The following SEPTIN9 variants were observed in gnomAD, a reference collection of about 807,000 sequenced individuals.
The protein encoded by SEPTIN9 is septin-9.
SEPTIN9 carries 13 observed loss-of-function variants against 56.6 expected under a neutral mutation model. The ratio of observed to expected loss-of-function variants is 0.23; its 90% CI spans 0.15 to 0.37. The LOEUF (loss-of-function observed/expected upper bound fraction) is 0.37, where lower values mean the gene tolerates loss of function less well. Among genes scored for constraint, SEPTIN9 ranks in the 10% least tolerant of loss-of-function variants. The pLI, the probability that SEPTIN9 is intolerant of heterozygous loss-of-function variation, is 1.00. For synonymous variants in SEPTIN9, 332 were observed against 334.1 expected (o/e 0.99, Z 0.07); for missense variants, 650 against 823.1 (o/e 0.79, Z 2.57).
rs1301313912 is a variant in SEPTIN9, at chr17:77,437,906, T to C, written c.721+35203T>C. On this transcript the variant is annotated intron_variant, in intron 3 of 11. Transcript: ENST00000427177. The surrounding 1 kb of genome is among the most constrained non-coding windows in gnomAD (Gnocchi z 5.3). ...GACAGTGGGGGCCCCTTGCTTGCGC[T>C]GGTGACTGTGGCTGGTTGTTGGTGC... Among the ~76,000 whole-genome samples, 1 of 152,190 alleles carries C rather than the reference T, an allele frequency of 6.6e-6. No homozygotes were observed. The highest frequency in any genetic ancestry group is 2.4e-5 in the African/African-American group (1 of 41,446).
intron 2 of SEPTIN9, among the ~76,000 whole-genome samples, chr17:77,347,126 C>T (rs2033915876): frequency 6.6e-6 from 1 of 152,128 alleles, no homozygotes; most frequent in African/African-American, 2.4e-5. Context: ...ACCTGTAATC[C>T]CAGCACTTCA....
At chr17:77,287,877 C>G in intron 1 of SEPTIN9, 1 of 1,031,354 alleles carries the variant, frequency 9.7e-7, no homozygotes, top group Non-Finnish European at 1.2e-6. Context: ...GTAAGATGAT[C>G]CCAGCTTCAA....
Position 77,373,600 on chromosome 17 carries a change from C to A in SEPTIN9, c.77-28459C>A, listed in dbSNP as rs928111222. ...CGGCCGCGGACGTGCTGGAGAGGACCCTGCGGGTGGGCCTGGCGCGGGACG... is the reference window on the plus strand; with the variant it reads ...CGGCCGCGGACGTGCTGGAGAGGACACTGCGGGTGGGCCTGGCGCGGGACG... On this transcript the variant is annotated intron_variant, in intron 2 of 11. Coordinates refer to ENST00000427177, the MANE Select transcript of SEPTIN9 (RefSeq NM_001113491.2). The A allele has an allele frequency of 1.2e-5, 18 of 1,534,920 alleles. 1 individual carries two copies. Among genetic ancestry groups the A allele is most frequent in the Admixed American group, 1.0e-4 (5 of 50,024 alleles).
intron 2 of SEPTIN9, among the ~76,000 whole-genome samples, chr17:77,361,495 A>G (rs1237624105): frequency 6.6e-6 from 1 of 152,148 alleles, no homozygotes; most frequent in Non-Finnish European, 1.5e-5. Flanking sequence ...GAGGGTGGGC[A>G]TTAGGAAAGT....
rs2038052450 is a variant in SEPTIN9, at chr17:77,453,178, G to A, written c.722-28966G>A. On this transcript the variant is annotated intron_variant, in intron 3 of 11. Coordinates refer to ENST00000427177, the MANE Select transcript of SEPTIN9 (RefSeq NM_001113491.2). The surrounding 1 kb of genome is among the most constrained non-coding windows in gnomAD (Gnocchi z 4.4). ...GGGGAGGACCCACTGTGTGCGCCTG[G>A]GGGGTGGCGTGGGGCACTCTGGGAT... Among the ~76,000 whole-genome samples, 1 of 152,118 alleles carries A rather than the reference G, an allele frequency of 6.6e-6. No homozygotes were observed. Among genetic ancestry groups the A allele is most frequent in the Non-Finnish European group, 1.5e-5 (1 of 68,022 alleles).
At chr17:77,288,251 T>A (rs1271198762) in intron 1 of SEPTIN9, 29 of 1,019,440 alleles carry the variant, frequency 2.8e-5, no homozygotes, top group Non-Finnish European at 3.3e-5. Context: ...CCAGGCTGCT[T>A]AAATGACCTG....
chr17:77,290,642 C>T (rs903034098), intron 1 of SEPTIN9, among the ~76,000 whole-genome samples: 5 of 151,018 alleles, frequency 3.3e-5, no homozygotes, highest in African/African-American at 4.9e-5. Flanking sequence ...GGTGAAACCC[C>T]GTCTCTACTA....
intron 2 of SEPTIN9, among the ~76,000 whole-genome samples, chr17:77,384,046 C>T (rs1237100187): frequency 6.6e-6 from 1 of 152,208 alleles, no homozygotes; most frequent in Non-Finnish European, 1.5e-5. Flanking sequence ...CAATGATGGG[C>T]AAGCTGGCTC....
chr17:77,404,296 G>A (rs991529697), intron 3 of SEPTIN9, among the ~76,000 whole-genome samples: 3 of 152,092 alleles, frequency 2.0e-5, no homozygotes, highest in Non-Finnish European at 4.4e-5. Context: ...CCAGGCTGGC[G>A]TGCAGTGGTG....
intron 2 of SEPTIN9, among the ~76,000 whole-genome samples, chr17:77,340,747 T>C (rs2033699266): frequency 6.6e-6 from 1 of 152,240 alleles, no homozygotes; most frequent in Admixed American, 6.5e-5. Context: ...GAAATTCTGT[T>C]GCTTAGTGTA....
chr17:77,320,049 G>A, intron 2 of SEPTIN9: 1 of 1,387,074 alleles, frequency 7.2e-7, no homozygotes, highest in East Asian at 2.7e-5. Context: ...TCCTATTTTT[G>A]GATTTCTCTC....
At position 77,478,173 on chromosome 17, in the gene SEPTIN9, T is replaced by C. The variant is rs377504078; in HGVS notation, c.722-3971T>C. 2.0e-5 allele frequency among the ~76,000 whole-genome samples: 3 copies of C among 151,794 alleles called. No individual in the cohort carries two copies. In the South Asian group the frequency reaches 6.2e-4, roughly 32 times the overall value. ...CCTCAGTTTCCCCATTAGTAAAGAG[T>C]AGGTTGGACTGGAATTCTGTACCAT... is the stretch of plus-strand genomic sequence containing the variant. On this transcript the variant is annotated intron_variant, in intron 3 of 11. Transcript: ENST00000427177.
intron 2 of SEPTIN9, among the ~76,000 whole-genome samples, chr17:77,397,844 T>G (rs986742444): frequency 2.6e-5 from 4 of 151,964 alleles, no homozygotes; most frequent in African/African-American, 9.7e-5. Context: ...AGAGACAGGG[T>G]TTTACCATGT....
Position 77,492,746 on chromosome 17 carries a change from A to T in SEPTIN9, c.1476+30A>T. 1 of 1,594,632 alleles carries T rather than the reference A, an allele frequency of 6.3e-7. No homozygotes were observed. Among genetic ancestry groups the T allele is most frequent in the South Asian group, 1.1e-5 (1 of 90,674 alleles). On this transcript the variant is annotated intron_variant, in intron 9 of 11. Coordinates refer to ENST00000427177, the MANE Select transcript of SEPTIN9 (RefSeq NM_001113491.2). The surrounding 1 kb of genome is among the most constrained non-coding windows in gnomAD (Gnocchi z 5.4). ...GTGGATCCACTAGGATGTTGTTCCCAGGGGACCCCCAGTTCCTGCTGAAGG... is the reference window on the plus strand; with the variant it reads ...GTGGATCCACTAGGATGTTGTTCCCTGGGGACCCCCAGTTCCTGCTGAAGG...
intron 10 of SEPTIN9, among the ~76,000 whole-genome samples, chr17:77,495,747 T>C (rs2040230576): frequency 6.6e-6 from 1 of 152,150 alleles, no homozygotes; most frequent in African/African-American, 2.4e-5. Context: ...GACACCGCCC[T>C]ACACAGGGCC....
At chr17:77,381,614 C>T (rs767522735) in intron 2 of SEPTIN9, among the ~76,000 whole-genome samples, 1 of 152,246 alleles carries the variant, frequency 6.6e-6, no homozygotes, top group Non-Finnish European at 1.5e-5. Flanking sequence ...TCCTCTGCCT[C>T]TTGCCCCCCA....
intron 1 of SEPTIN9, among the ~76,000 whole-genome samples, chr17:77,283,517 C>G (rs976606833): frequency 7.3e-4 from 31 of 42,364 alleles, no homozygotes; most frequent in African/African-American, 1.6e-3. Flanking sequence ...GGCTGACCCC[C>G]CAACAAGCCA....
intron 3 of SEPTIN9, among the ~76,000 whole-genome samples, chr17:77,477,010 G>T (rs2039240417): frequency 6.6e-6 from 1 of 152,092 alleles, no homozygotes; most frequent in South Asian, 2.1e-4. Flanking sequence ...GTGGTTTGCT[G>T]CACCCATTGG....
intron 3 of SEPTIN9, among the ~76,000 whole-genome samples, chr17:77,415,927 C>T (rs1184774897): frequency 6.6e-6 from 1 of 152,230 alleles, no homozygotes; most frequent in African/African-American, 2.4e-5. Flanking sequence ...GTGTCAGGCA[C>T]TTGTCAGGAG....
Sources: gnomAD v4.1 joint callset for allele counts (sites outside exome capture counted in the v4.1 genomes callset) on GRCh38, gnomAD v4.1.1 for gene constraint, Gnocchi (gnomAD v3.1) non-coding constraint, MANE v1.5 for transcripts, NCBI Gene and HGNC (gene_info 2026-07-23, HGNC 2026-07-21) for gene names.